The following UBE4B variants were observed in gnomAD, a reference collection of about 807,000 sequenced individuals.
The protein encoded by UBE4B is ubiquitination factor E4B.
A neutral mutation model predicts 148.1 loss-of-function variants in UBE4B; 27 were observed. The observed-to-expected ratio is 0.18, with a 90% confidence interval of 0.13 to 0.25. UBE4B has a LOEUF of 0.25. Among genes scored for constraint, UBE4B ranks in the 10% least tolerant of loss-of-function variants. The pLI is 1.00. For synonymous variants in UBE4B, 596 were observed against 619.3 expected (o/e 0.96, Z 0.56); for missense variants, 1,170 against 1,662.4 (o/e 0.70, Z 5.15).
intron 3 of UBE4B, among the ~76,000 whole-genome samples, chr1:10,099,425 T>C (rs903668974): frequency 1.3e-5 from 2 of 152,162 alleles, no homozygotes; most frequent in Non-Finnish European, 2.9e-5. Context: ...TACCTAGGAA[T>C]AAATTTAGCA....
intron 1 of UBE4B, among the ~76,000 whole-genome samples, chr1:10,065,186 T>C (rs1420242482): frequency 6.6e-6 from 1 of 152,218 alleles, no homozygotes; most frequent in Non-Finnish European, 1.5e-5. Flanking sequence ...CCACACATAC[T>C]TGTTGGTTTT....
intron 1 of UBE4B, among the ~76,000 whole-genome samples, chr1:10,056,827 C>T (rs1644180442): frequency 6.6e-6 from 1 of 152,106 alleles, no homozygotes; most frequent in Non-Finnish European, 1.5e-5. Context: ...AGGTGGACTG[C>T]TTCATTCATT....
chr1:10,053,185 G>C (rs1434922671), intron 1 of UBE4B, among the ~76,000 whole-genome samples: 2 of 152,130 alleles, frequency 1.3e-5, no homozygotes, highest in East Asian at 1.9e-4. Context: ...GTCTCTCTCT[G>C]TTGCCCAGGC....
At chr1:10,117,423 G>C in intron 7 of UBE4B, 36 bp from the exon 8 acceptor site, 2 of 1,608,670 alleles carry the variant, frequency 1.2e-6, no homozygotes. Flanking sequence ...ATAATCAAGA[G>C]ATAAGAATCA....
At chr1:10,051,774 A>C (rs1372295024) in intron 1 of UBE4B, among the ~76,000 whole-genome samples, 1 of 152,164 alleles carries the variant, frequency 6.6e-6, no homozygotes, top group Non-Finnish European at 1.5e-5. Flanking sequence ...GAGGTGACAC[A>C]CTTTACTCCC....
At chr1:10,082,233 T>C (rs1435868614) in intron 2 of UBE4B, among the ~76,000 whole-genome samples, 1 of 152,102 alleles carries the variant, frequency 6.6e-6, no homozygotes, top group Non-Finnish European at 1.5e-5. Flanking sequence ...GCATGGTGGC[T>C]CATGCCCGTC....
At chr1:10,084,173 T>C (rs1417864153) in intron 2 of UBE4B, among the ~76,000 whole-genome samples, 3 of 152,174 alleles carry the variant, frequency 2.0e-5, no homozygotes, top group Non-Finnish European at 4.4e-5. Flanking sequence ...ATGGCCTTTG[T>C]CATGTGCCCA....
At chr1:10,126,691 A>C (rs1391089318) in intron 10 of UBE4B, 103 bp from the exon 11 acceptor site, 1 of 978,834 alleles carries the variant, frequency 1.0e-6, no homozygotes, top group Non-Finnish European at 1.5e-6. Context: ...TCCCTGGGGA[A>C]GGAATGAAAT....
chr1:10,071,207 T>C (rs1156596906), intron 1 of UBE4B, among the ~76,000 whole-genome samples: 1 of 152,144 alleles, frequency 6.6e-6, no homozygotes, highest in Non-Finnish European at 1.5e-5. Flanking sequence ...ACCTGGCCAA[T>C]TGGCTATTTA....
chr1:10,047,725 C>T (rs1023233121), intron 1 of UBE4B, among the ~76,000 whole-genome samples: 3 of 152,150 alleles, frequency 2.0e-5, no homozygotes, highest in East Asian at 1.9e-4. Context: ...ATCTCCTGAC[C>T]TCATGACCCA....
chr1:10,165,795 A>G (rs1469794529), intron 23 of UBE4B, among the ~76,000 whole-genome samples: 1 of 151,782 alleles, frequency 6.6e-6, no homozygotes. Context: ...GCATTCCCTG[A>G]CTCCTGACCC....
At chr1:10,116,988 T>C (rs1211082201) in intron 7 of UBE4B, among the ~76,000 whole-genome samples, 2 of 152,262 alleles carry the variant, frequency 1.3e-5, no homozygotes, top group Non-Finnish European at 2.9e-5. Context: ...CCTTTGGTTC[T>C]ATTGCCAAAT....
intron 4 of UBE4B, among the ~76,000 whole-genome samples, chr1:10,101,914 G>A (rs185857246): frequency 6.6e-6 from 1 of 152,116 alleles, no homozygotes; most frequent in East Asian, 1.9e-4. Context: ...CAAGTAGAAG[G>A]TTTTGGAAAA....
In UBE4B at chr1:10,072,083, C is replaced by T. The variant is rs754154046; in HGVS notation, c.80C>T (p.Thr27Ile). 1.2e-6 allele frequency: 2 copies of T among 1,612,888 alleles called. No individual in the cohort carries two copies. Among genetic ancestry groups the T allele is most frequent in the East Asian group, 2.2e-5 (1 of 44,776 alleles). The change falls in exon 2 of 28, where the codon ACC becomes ATC. Residue 27 changes from threonine to isoleucine, a missense_variant. Thr to Ile is a moderately conservative substitution (Grantham distance 89). This residue lies in a region of UBE4B where 127 missense variants were observed against 153.2 expected (regional missense o/e 0.83). Coordinates refer to ENST00000343090, the MANE Select transcript of UBE4B (RefSeq NM_001105562.3). ...LAGGQTSQPT[T>I]PLTSPQRENP... The stretch of plus-strand genomic sequence containing the variant: ...GGTGGACAGACCTCTCAGCCAACCA[C>T]CCCACTCACCTCTCCCCAGAGGGAG...
At chr1:10,131,784 C>G (rs1645597665) in intron 14 of UBE4B, among the ~76,000 whole-genome samples, 2 of 152,040 alleles carry the variant, frequency 1.3e-5, no homozygotes, top group African/African-American at 2.4e-5. Flanking sequence ...AACCCCATCT[C>G]TACTAAAATA....
intron 1 of UBE4B, among the ~76,000 whole-genome samples, chr1:10,070,683 G>A (rs570075831): frequency 1.1e-4 from 17 of 152,240 alleles, no homozygotes; most frequent in African/African-American, 3.9e-4. Flanking sequence ...ATGCCCTGCT[G>A]TTAGTAGGAG....
chr1:10,072,649 A>G (rs1276277793), intron 2 of UBE4B: 2 of 595,132 alleles, frequency 3.4e-6, no homozygotes, highest in Admixed American at 6.5e-5. Flanking sequence ...TTAACTTTTC[A>G]GAGGATAAAA....
chr1:10,043,848 G>A (rs941711147), intron 1 of UBE4B, among the ~76,000 whole-genome samples: 5 of 152,174 alleles, frequency 3.3e-5, no homozygotes, highest in African/African-American at 1.2e-4. Context: ...CACCCCTTCA[G>A]TTGAGTGCTA....
At chr1:10,042,546 C>T (rs985867528) in intron 1 of UBE4B, among the ~76,000 whole-genome samples, 4 of 152,154 alleles carry the variant, frequency 2.6e-5, no homozygotes, top group African/African-American at 9.7e-5. Flanking sequence ...ACTCAGGAGG[C>T]TGAGGCAGGA....
Sources: allele counts gnomAD v4.1 joint callset (sites outside exome capture counted in the v4.1 genomes callset), GRCh38; gene constraint gnomAD v4.1.1; regional missense constraint gnomAD v4.1.1; transcripts MANE v1.5; gene names NCBI Gene and HGNC (gene_info 2026-07-23, HGNC 2026-07-21).